PTPRM: variants seen among roughly 807,000 people sequenced by gnomAD.
PTPRM encodes protein tyrosine phosphatase receptor type M.
A neutral mutation model predicts 186.7 loss-of-function variants in PTPRM; 47 were observed. The ratio of observed to expected loss-of-function variants is 0.25; its 90% CI spans 0.20 to 0.32. The LOEUF (loss-of-function observed/expected upper bound fraction) is 0.32. Ranked by LOEUF, PTPRM falls within the 10% of genes least tolerant of loss-of-function variation. The pLI is 1.00. For missense variants in PTPRM, 1,494 were observed against 1,865.0 expected (o/e 0.80, Z 3.66); for synonymous variants, 668 against 674.9 (o/e 0.99, Z 0.16).
intron 1 of PTPRM, among the ~76,000 whole-genome samples, chr18:7,716,575 A>G (rs149117809): frequency 1.3e-5 from 2 of 152,354 alleles, no homozygotes; most frequent in African/African-American, 4.8e-5. Context: ...AAATTTTTGC[A>G]ATCTATCCAT....
intron 2 of PTPRM, among the ~76,000 whole-genome samples, chr18:7,886,003 T>C (rs1176470819): frequency 6.6e-6 from 1 of 152,210 alleles, no homozygotes; most frequent in Non-Finnish European, 1.5e-5. Flanking sequence ...TTTCCACCCA[T>C]GCTTGCCCAA....
chr18:7,788,126 GA>G (rs1443310632), intron 2 of PTPRM, among the ~76,000 whole-genome samples: 2 of 152,172 alleles, frequency 1.3e-5, no homozygotes, highest in Non-Finnish European at 2.9e-5. Context: ...GAGAAGTTGA[GA>G]AGGAAAAGAA....
intron 1 of PTPRM, among the ~76,000 whole-genome samples, chr18:7,618,764 A>G (rs1435914559): frequency 2.6e-5 from 4 of 152,332 alleles, no homozygotes; most frequent in South Asian, 4.1e-4. Flanking sequence ...AACCAGCACC[A>G]TAACGCTTGT....
chr18:8,101,658 C>T (rs1407768990), intron 11 of PTPRM, among the ~76,000 whole-genome samples: 1 of 152,198 alleles, frequency 6.6e-6, no homozygotes, highest in African/African-American at 2.4e-5. Flanking sequence ...CAGTTGAAAG[C>T]ACTGAGGTTC....
chr18:7,955,098 C>T lies in PTPRM; in HGVS notation c.839-23C>T, dbSNP rs775613837. The T allele has an allele frequency of 1.4e-5, 22 of 1,567,064 alleles. 1 individual carries two copies. The South Asian group carries it at 2.6e-4, about 18-fold the overall frequency. ...GACTGAAGACAAAGCATCTGAAAGA[C>T]AGCTTTCTGGTTTGTCTTTCAGAAC... On this transcript the variant is annotated intron_variant, in intron 6 of 32. Transcript: ENST00000580170.
chr18:7,983,164 G>A (rs1373857490), intron 7 of PTPRM, among the ~76,000 whole-genome samples: 1 of 152,132 alleles, frequency 6.6e-6, no homozygotes, highest in Non-Finnish European at 1.5e-5. Context: ...CAGGAAGTGA[G>A]CCAGAGGCGG....
chr18:8,293,675 A>G (rs1373605352), intron 19 of PTPRM, among the ~76,000 whole-genome samples: 2 of 152,240 alleles, frequency 1.3e-5, no homozygotes. Context: ...AATTATTGTC[A>G]TTCATAGAGT....
At chr18:7,842,828 G>GTATATATA (rs199719406) in intron 2 of PTPRM, among the ~76,000 whole-genome samples, 2 of 73,784 alleles carry the variant, frequency 2.7e-5, no homozygotes, top group African/African-American at 1.4e-4. Context: ...ATATATATAT[G>GTATATATA]TATATATATA....
intron 2 of PTPRM, among the ~76,000 whole-genome samples, chr18:7,826,588 T>C (rs2045495480): frequency 6.6e-6 from 1 of 152,252 alleles, no homozygotes; most frequent in Non-Finnish European, 1.5e-5. Flanking sequence ...TTCATGGTTA[T>C]AACAAATGAA....
intron 1 of PTPRM, among the ~76,000 whole-genome samples, chr18:7,681,761 A>T (rs1309624887): frequency 6.6e-6 from 1 of 152,040 alleles, no homozygotes; most frequent in African/African-American, 2.4e-5. Flanking sequence ...TTCTAACATT[A>T]TTTTTTTCAT....
chr18:7,655,365 A>G (rs2038823171), intron 1 of PTPRM, among the ~76,000 whole-genome samples: 1 of 152,122 alleles, frequency 6.6e-6, no homozygotes, highest in African/African-American at 2.4e-5. Flanking sequence ...CCACCTACAC[A>G]CATGTTAGAA....
intron 14 of PTPRM, among the ~76,000 whole-genome samples, chr18:8,207,392 A>C (rs2093946244): frequency 6.6e-6 from 1 of 152,222 alleles, no homozygotes; most frequent in Non-Finnish European, 1.5e-5. Context: ...ATTTATAGAT[A>C]GGATTGATGG....
chr18:8,100,311 T>C (rs2145524771), intron 11 of PTPRM, among the ~76,000 whole-genome samples: 1 of 152,222 alleles, frequency 6.6e-6, no homozygotes, highest in South Asian at 2.1e-4. Context: ...CTGGCTAATT[T>C]TGTATTTTTA....
intron 7 of PTPRM, among the ~76,000 whole-genome samples, chr18:8,036,570 G>C (rs1460171082): frequency 2.0e-5 from 3 of 152,174 alleles, no homozygotes; most frequent in African/African-American, 7.2e-5. Context: ...TTTGACTGCA[G>C]CACACAATGA....
chr18:8,405,050 C>T (rs2095896144), intron 32 of PTPRM: 1 of 151,896 alleles, frequency 6.6e-6, no homozygotes, highest in Non-Finnish European at 1.5e-5. Flanking sequence ...ATAATCCCAG[C>T]TAATTAGGAG....
intron 7 of PTPRM, among the ~76,000 whole-genome samples, chr18:8,065,440 C>T (rs569891305): frequency 1.6e-4 from 25 of 152,234 alleles, no homozygotes; most frequent in African/African-American, 5.8e-4. Context: ...GTGGGAGAGT[C>T]GGTAAGAGCT....
At chr18:7,768,514 G>A (rs189608390) in intron 1 of PTPRM, among the ~76,000 whole-genome samples, 4 of 152,184 alleles carry the variant, frequency 2.6e-5, no homozygotes, top group Non-Finnish European at 5.9e-5. Context: ...AGAATAAAAA[G>A]CATGTGGGTC....
chr18:7,854,366 A>G (rs1567919632), intron 2 of PTPRM, among the ~76,000 whole-genome samples: 1 of 152,108 alleles, frequency 6.6e-6, no homozygotes, highest in Non-Finnish European at 1.5e-5. Flanking sequence ...TTACCCCTTT[A>G]CACTTCTGCA....
At chr18:7,627,425 T>C (rs2038087467) in intron 1 of PTPRM, among the ~76,000 whole-genome samples, 1 of 152,154 alleles carries the variant, frequency 6.6e-6, no homozygotes, top group South Asian at 2.1e-4. Flanking sequence ...CCTCAGCCCT[T>C]GTATGAGATC....
Sources: gnomAD v4.1 joint callset for allele counts (sites outside exome capture counted in the v4.1 genomes callset) on GRCh38, gnomAD v4.1.1 for gene constraint, MANE v1.5 for transcripts, NCBI Gene and HGNC (gene_info 2026-07-23, HGNC 2026-07-21) for gene names.